Variants in ZSCAN5A observed in about 807,000 individuals in gnomAD.
The protein encoded by ZSCAN5A is zinc finger and SCAN domain containing 5A, also known as zinc finger and SCAN domain-containing protein 5A.
In ZSCAN5A, 12 loss-of-function variants were observed where a neutral mutation model predicts 23.7. The ratio of observed to expected loss-of-function variants is 0.51; its 90% confidence interval spans 0.32 to 0.82. ZSCAN5A has a LOEUF of 0.82. ZSCAN5A is among the 40% of genes least tolerant of loss of function. The probability of loss-of-function intolerance (pLI) is 0.03; values close to 1 mark genes in which losing one functional copy is unlikely to be tolerated. For synonymous variants in ZSCAN5A, 257 were observed against 239.9 expected, an observed-to-expected ratio of 1.07 and a Z score of -0.66; for missense variants, 597 against 617.9, an observed-to-expected ratio of 0.97 and a Z score of 0.36.
At chr19:56,344,943 A>C (rs551924925) in intron 2 of ZSCAN5A, among the ~76,000 whole-genome samples, 1 of 149,414 alleles carries the variant, frequency 6.7e-6, no homozygotes, top group East Asian at 1.9e-4. Flanking sequence ...AAAGAAAAAA[A>C]AGATACAAAA....
chr19:56,302,573 CTTCCTCCCCCTT>C (rs1305216044), intron 2 of ZSCAN5A, among the ~76,000 whole-genome samples: 6 of 74,244 alleles, frequency 8.1e-5, no homozygotes, highest in African/African-American at 4.4e-4. Flanking sequence ...CCTTCCTTTT[CTTCCTCCCCCTT>C]TTCTTCCTCT....
chr19:56,331,578 CTTTTTTTTTTTT>C (rs68085541), intron 2 of ZSCAN5A, among the ~76,000 whole-genome samples: 5 of 48,964 alleles, frequency 1.0e-4, no homozygotes, highest in African/African-American at 3.4e-4. Context: ...GAATTGCATT[CTTTTTTTTTTTT>C]TTTTTTTTTT....
chr19:56,230,634 T>TAC (rs1470904328), intron 2 of ZSCAN5A, among the ~76,000 whole-genome samples: 248 of 92,476 alleles, frequency 2.7e-3, no homozygotes, highest in Middle Eastern at 6.3e-3. Flanking sequence ...TGTGTGTGTG[T>TAC]GTGTGTGTGT....
intron 2 of ZSCAN5A, among the ~76,000 whole-genome samples, chr19:56,265,507 C>T (rs1337076055): frequency 1.3e-5 from 2 of 151,580 alleles, no homozygotes; most frequent in Non-Finnish European, 1.5e-5. Flanking sequence ...AGGACAGCAG[C>T]CAGAGGTTGC....
At chr19:56,319,236 G>A (rs1245524306), upstream of ZSCAN5A, among the ~76,000 whole-genome samples, 2 of 151,996 alleles carry the variant, frequency 1.3e-5, no homozygotes, top group Non-Finnish European at 2.9e-5. Context: ...AGTGGCTCAC[G>A]ACTGTAATCC....
intron 2 of ZSCAN5A, among the ~76,000 whole-genome samples, chr19:56,286,951 C>G (rs554984485): frequency 6.6e-6 from 1 of 152,248 alleles, no homozygotes. Flanking sequence ...GTTTTCTTCC[C>G]GGTAAACCAG....
intron 2 of ZSCAN5A, among the ~76,000 whole-genome samples, chr19:56,353,079 T>C (rs531284941): frequency 6.6e-6 from 1 of 152,316 alleles, no homozygotes; most frequent in Admixed American, 6.5e-5. Context: ...TAATTTTCCC[T>C]TGAGGTGGAC....
chr19:56,320,527 G>T, intron 2 of ZSCAN5A: 2 of 428,064 alleles, frequency 4.7e-6, no homozygotes, highest in South Asian at 2.4e-5. Flanking sequence ...CAGGAGAATC[G>T]CTTGAACCCA....
chr19:56,235,340 G>T (rs71352868), intron 2 of ZSCAN5A, among the ~76,000 whole-genome samples: 1 of 20,516 alleles, frequency 4.9e-5, no homozygotes, highest in Non-Finnish European at 9.5e-5. Flanking sequence ...AGCCTCTGAT[G>T]GACGGTGGGC....
At chr19:56,302,585 TTTCTTCCTCTCCCTC>T (rs200943499) in intron 2 of ZSCAN5A, among the ~76,000 whole-genome samples, 6,083 of 42,682 alleles carry the variant, frequency 0.14, 283 homozygotes, top group African/African-American at 0.22. Context: ...TCCTCCCCCT[TTTCTTCCTCTCCCTC>T]TTCTTCCTCT....
chr19:56,250,018 C>T (rs2036229586), intron 2 of ZSCAN5A, among the ~76,000 whole-genome samples: 2 of 152,262 alleles, frequency 1.3e-5, no homozygotes, highest in African/African-American at 2.4e-5. Flanking sequence ...TGTTGTGACA[C>T]CTCGGTTCTT....
Position 56,336,418 on chromosome 19 carries a change from G to A in ZSCAN5A, c.-357-20150C>T, listed in dbSNP as rs552381980. Reference sequence around the variant, plus strand: ...GCATTCGTCACGTAGTTCTCATGCCGTGGTTTTCAGCTCCATCAGGTCCTT... The same window carrying A: ...GCATTCGTCACGTAGTTCTCATGCCATGGTTTTCAGCTCCATCAGGTCCTT... On this transcript the variant is annotated intron_variant, in intron 2 of 6. Coordinates refer to the ZSCAN5A transcript ENST00000587340. Among the ~76,000 whole-genome samples the A allele has an allele frequency of 1.4e-3, 206 of 151,854 alleles. 1 individual carries two copies. Among genetic ancestry groups the A allele is most frequent in the African/African-American group, 4.5e-3 (187 of 41,208 alleles).
intron 2 of ZSCAN5A, among the ~76,000 whole-genome samples, chr19:56,282,123 A>G (rs1309832434): frequency 6.6e-6 from 1 of 152,124 alleles, no homozygotes; most frequent in Non-Finnish European, 1.5e-5. Context: ...AGGGTGGGTA[A>G]GACGTCTTCC....
At chr19:56,367,143 T>G (rs1383317282) in intron 1 of ZSCAN5A, 1 of 152,220 alleles carries the variant, frequency 6.6e-6, no homozygotes, top group African/African-American at 2.4e-5. Context: ...GAGGATCGCT[T>G]GAGGCCACGA....
intron 2 of ZSCAN5A, among the ~76,000 whole-genome samples, chr19:56,269,923 G>T (rs1466044511): frequency 1.3e-5 from 2 of 152,198 alleles, no homozygotes; most frequent in Non-Finnish European, 2.9e-5. Flanking sequence ...GTCGTCTTAA[G>T]TCACAAATTT....
At chr19:56,274,177 G>A (rs1016304455) in intron 2 of ZSCAN5A, among the ~76,000 whole-genome samples, 13 of 152,086 alleles carry the variant, frequency 8.5e-5, no homozygotes, top group Admixed American at 8.5e-4. Context: ...GTAGAGGTCG[G>A]GCGCGGTGGC....
At chr19:56,261,604 T>TGA (rs1214290479) in intron 2 of ZSCAN5A, among the ~76,000 whole-genome samples, 1 of 151,104 alleles carries the variant, frequency 6.6e-6, no homozygotes, top group African/African-American at 2.4e-5. Flanking sequence ...AGGAGCAAAT[T>TGA]GAGAGAGAGA....
chr19:56,304,649 T>C (rs1034723671), intron 2 of ZSCAN5A: 4 of 258,744 alleles, frequency 1.5e-5, no homozygotes, highest in Admixed American at 1.3e-4. Context: ...GACCAGAAGA[T>C]GTTACAACCA....
intron 2 of ZSCAN5A, among the ~76,000 whole-genome samples, chr19:56,326,985 C>T (rs1451342937): frequency 2.0e-5 from 3 of 152,084 alleles, no homozygotes; most frequent in Non-Finnish European, 4.4e-5. Flanking sequence ...ACCTACAATG[C>T]CCTTCACGAG....
Sources: allele counts gnomAD v4.1 joint callset (sites outside exome capture counted in the v4.1 genomes callset), GRCh38; gene constraint gnomAD v4.1.1; transcripts MANE v1.5; gene names NCBI Gene and HGNC (gene_info 2026-07-23, HGNC 2026-07-21).